The following BUD31 variants were observed in gnomAD, a reference collection of about 807,000 sequenced individuals.
BUD31 encodes the protein BUD31 spliceosome associated protein, also known as protein BUD31 homolog.
In BUD31, 9 loss-of-function variants were observed where a neutral mutation model predicts 17.9. The ratio of observed to expected loss-of-function variants is 0.50; its 90% CI spans 0.30 to 0.88. The LOEUF is 0.88. BUD31 is among the 40% of genes least tolerant of loss of function. The pLI is 0.06. For synonymous variants in BUD31, 70 were observed against 64.7 expected (o/e 1.08, Z -0.39); for missense variants, 148 against 184.5 (o/e 0.80, Z 1.15).
chr7:99,415,960 T>A (rs1466649282), intron 3 of BUD31, among the ~76,000 whole-genome samples, 178 bp from the exon 4 acceptor site: 1 of 152,224 alleles, frequency 6.6e-6, no homozygotes, highest in Non-Finnish European at 1.5e-5. Flanking sequence ...ATTTATTTTA[T>A]TATACTAGAA....
chr7:99,412,560 C>CT (rs996374779), intron 3 of BUD31, among the ~76,000 whole-genome samples: 30 of 152,176 alleles, frequency 2.0e-4, no homozygotes, highest in Non-Finnish European at 3.5e-4. Flanking sequence ...TCCCAGGCAG[C>CT]TGGGACTACA....
rs1051029974 is a variant in BUD31 at position 99,419,494 on chromosome 7, G to A, written c.*53G>A. On this transcript the variant is annotated 3_prime_UTR_variant, in exon 6 of 6. Coordinates refer to ENST00000222969, the MANE Select transcript of BUD31 (RefSeq NM_003910.4). ...GACTTCGCAGGTTCCTGCCTGTCACGCCACCCCCTTCCTGGGAGCAGCGAG... is the reference window on the plus strand; with the variant it reads ...GACTTCGCAGGTTCCTGCCTGTCACACCACCCCCTTCCTGGGAGCAGCGAG... 6.7e-5 allele frequency: 107 copies of A among 1,598,160 alleles called. No homozygotes were observed. Among genetic ancestry groups the A allele is most frequent in the Non-Finnish European group, 7.7e-5 (90 of 1,172,590 alleles).
rs1329222795 is a variant in BUD31, at chr7:99,409,120, A to T, written c.-291A>T. 6.6e-6 allele frequency: 1 copy of T among 152,106 alleles called. No homozygotes were observed. The highest frequency in any genetic ancestry group is 1.5e-5 in the Non-Finnish European group (1 of 68,062). The allele number at this position is 152,106 out of a possible 1,614,324, so 9.4% of individuals were successfully genotyped here. ...GCTGGACTCTCAGCCAGCCACTGGG[A>T]TGTGTTCGGGCTTTGGACCTTGAGG... On this transcript the variant is annotated 5_prime_UTR_variant, in exon 1 of 6. It removes an upstream start codon present in the reference 5' UTR. Coordinates refer to ENST00000222969, the MANE Select transcript of BUD31 (RefSeq NM_003910.4).
chr7:99,411,417 G>A (rs1179271970), intron 3 of BUD31, among the ~76,000 whole-genome samples: 3 of 151,936 alleles, frequency 2.0e-5, no homozygotes, highest in East Asian at 1.9e-4. Context: ...TTGCCAACTC[G>A]AATATAAAAG....
intron 3 of BUD31, chr7:99,411,387 GTTTTTT>G (rs928821133): frequency 8.0e-6 from 4 of 499,192 alleles, no homozygotes; most frequent in South Asian, 2.8e-5. Flanking sequence ...CAGAAAAGGT[GTTTTTT>G]TTTGTTTTTG....
Position 99,419,412 on chromosome 7 carries a change from CACTG to C in BUD31, c.407_410del (p.His136LeufsTer59), listed in dbSNP as rs1009977755. 1 of 1,613,034 alleles carries C rather than the reference CACTG, an allele frequency of 6.2e-7. No homozygotes were observed. The highest frequency in any genetic ancestry group is 1.3e-5 in the African/African-American group (1 of 74,932). On this transcript the variant is annotated frameshift_variant, in exon 6 of 6. Coordinates refer to ENST00000222969, the MANE Select transcript of BUD31 (RefSeq NM_003910.4). LOFTEE classifies it high-confidence loss of function. The stretch of plus-strand genomic sequence containing the variant: ...GCAGGGCCGCATCATCGAGTGCACA[CACTG>C]TGGCTGTCGTGGCTGCTCTGGCTGA...
intron 5 of BUD31, chr7:99,419,104 G>A (rs558811726): frequency 1.6e-4 from 76 of 483,532 alleles, no homozygotes; most frequent in South Asian, 1.5e-3. Context: ...GCAGAATAAC[G>A]AGACTCATTC....
Position 99,419,380 on chromosome 7 carries a change from C to T in BUD31, c.385-11C>T, listed in dbSNP as rs1795692791. 4 of 1,613,000 alleles carry T rather than the reference C, an allele frequency of 2.5e-6. No homozygotes were observed. The highest frequency in any genetic ancestry group is 3.4e-6 in the Non-Finnish European group (4 of 1,179,986). ...GCAGTGGCATCGTCTCACTGTCCTC[C>T]TCCGTTGCAGGGCCGCATCATCGAG... On this transcript the variant is annotated splice_polypyrimidine_tract_variant and intron_variant, in intron 5 of 5. Coordinates refer to ENST00000222969, the MANE Select transcript of BUD31 (RefSeq NM_003910.4).
rs1795565259 is a variant in BUD31, at chr7:99,417,466, C to T, written c.255C>T (p.Asp85=). 6.2e-7 allele frequency: 1 copy of T among 1,612,344 alleles called. No homozygotes were observed. The highest frequency in any genetic ancestry group is 8.5e-7 in the Non-Finnish European group (1 of 1,179,382). ...YEYCIKEGYA[D]KNLIAKWKKQ... ...ATTGTATTAAAGAAGGCTATGCAGACAAAAACCTGATTGCAAAATGGAAAA... is the reference window on the plus strand; with the variant it reads ...ATTGTATTAAAGAAGGCTATGCAGATAAAAACCTGATTGCAAAATGGAAAA... Residue 85 remains aspartate (D), a synonymous_variant, in exon 5 of 6, where the codon GAC becomes GAT. Coordinates refer to ENST00000222969, the MANE Select transcript of BUD31 (RefSeq NM_003910.4).
chr7:99,418,491 G>C (rs1445337189), intron 5 of BUD31: 2 of 153,318 alleles, frequency 1.3e-5, no homozygotes, highest in African/African-American at 4.8e-5. Flanking sequence ...CTTTTCCCCA[G>C]CTCCACACAG....
At chr7:99,419,350 G>A (rs201686182) in intron 5 of BUD31, 41 bp from the exon 6 acceptor site, 65 of 1,609,770 alleles carry the variant, frequency 4.0e-5, no homozygotes, top group Admixed American at 1.7e-4. Context: ...AGGGGCGAGC[G>A]TGGCGCAGTG....
At chr7:99,415,328 CAG>C (rs371170976) in intron 3 of BUD31, 1,514 of 424,904 alleles carry the variant, frequency 3.6e-3, no homozygotes, top group Admixed American at 5.1e-3. Flanking sequence ...GGCACCAAGG[CAG>C]AGAGAGAGAG....
At chr7:99,415,132 T>C (rs938670985) in intron 3 of BUD31, 5 of 443,734 alleles carry the variant, frequency 1.1e-5, no homozygotes, top group Non-Finnish European at 2.2e-5. Context: ...GACAAAGAGA[T>C]AAAAGACAGC....
intron 3 of BUD31, 66 bp from the exon 4 acceptor site, chr7:99,416,072 T>A: frequency 6.3e-7 from 1 of 1,586,046 alleles, no homozygotes; most frequent in East Asian, 2.3e-5. Flanking sequence ...CAGTAGTTAC[T>A]TACAAAAAGA....
chr7:99,414,374 G>A (rs780073683), intron 3 of BUD31, among the ~76,000 whole-genome samples: 2 of 152,090 alleles, frequency 1.3e-5, no homozygotes, highest in African/African-American at 2.4e-5. Context: ...TCCTGACCTC[G>A]TGGTCCGCCC....
Position 99,417,447 on chromosome 7 carries a change from T to C in BUD31, c.236T>C (p.Ile79Thr), listed in dbSNP as rs947475683. The change falls in exon 5 of 6, where the codon ATT becomes ACT. Residue 79 changes from isoleucine (I) to threonine (T), a missense_variant. Ile to Thr is a moderately conservative substitution (Grantham distance 89). Transcript: ENST00000222969. ...TTGACAGAACTCTATGAATATTGTA[T>C]TAAAGAAGGCTATGCAGACAAAAAC... is the stretch of plus-strand genomic sequence containing the variant. ...AISRELYEYCIKEGYADKNLI... is the reference protein window; with the variant it reads ...AISRELYEYCTKEGYADKNLI... 4 of 1,613,850 alleles carry C rather than the reference T, an allele frequency of 2.5e-6. No homozygotes were observed. In the African/African-American group the frequency reaches 5.3e-5, roughly 22 times the overall value.
intron 3 of BUD31, among the ~76,000 whole-genome samples, chr7:99,411,562 T>A (rs970006834): frequency 6.6e-6 from 1 of 152,152 alleles, no homozygotes; most frequent in Non-Finnish European, 1.5e-5. Context: ...CTTTGCCGCA[T>A]CTGTTTTCTG....
intron 3 of BUD31, among the ~76,000 whole-genome samples, chr7:99,414,172 C>T (rs1020960510): frequency 2.0e-5 from 3 of 150,982 alleles, no homozygotes; most frequent in African/African-American, 7.3e-5. Flanking sequence ...CGGAATCTCA[C>T]ACTGTTGCCC....
chr7:99,412,615 CTT>C (rs1247022408), intron 3 of BUD31, among the ~76,000 whole-genome samples: 13 of 140,288 alleles, frequency 9.3e-5, no homozygotes, highest in South Asian at 2.3e-4. Flanking sequence ...TCTTTTTTTT[CTT>C]TTTTTTTTTT....
Sources: allele counts gnomAD v4.1 joint callset (sites outside exome capture counted in the v4.1 genomes callset), GRCh38; gene constraint gnomAD v4.1.1; transcripts MANE v1.5; gene names NCBI Gene and HGNC (gene_info 2026-07-23, HGNC 2026-07-21).